LHPP: variants seen among roughly 807,000 people sequenced by gnomAD.
LHPP encodes phospholysine phosphohistidine inorganic pyrophosphate phosphatase, also known as hLHPP.
Under a neutral mutation model 30.3 loss-of-function variants are expected in LHPP, and 24 were observed. The observed-to-expected ratio is 0.79, with a 90% CI of 0.57 to 1.11. The LOEUF (loss-of-function observed/expected upper bound fraction) is 1.11. LHPP is among the 50% of genes most tolerant of loss of function. The pLI is 0.00. For missense variants in LHPP, 356 were observed against 367.2 expected, an observed-to-expected ratio of 0.97 and a Z score of 0.25; for synonymous variants, 150 against 157.1, an observed-to-expected ratio of 0.95 and a Z score of 0.34.
At position 124,592,371 on chromosome 10, in the gene LHPP, C is replaced by T. The variant is rs1948891036; in HGVS notation, c.717-20893C>T. On this transcript the variant is annotated intron_variant, in intron 6 of 6. Transcript: ENST00000368842. This position sits in a 1 kb window ranked among gnomAD's most constrained non-coding sequence, Gnocchi z 6.2. ...GGCCCTGTCAGCTCTCGAACTGCAG[C>T]ATACCCGAGCTCTTAAAGCACACTG... Among the ~76,000 whole-genome samples, 1 of 152,216 alleles carries T rather than the reference C, an allele frequency of 6.6e-6. No homozygotes were observed. Among genetic ancestry groups the T allele is most frequent in the African/African-American group, 2.4e-5 (1 of 41,466 alleles).
At chr10:124,529,522 C>A (rs527425067) in intron 6 of LHPP, among the ~76,000 whole-genome samples, 2 of 152,252 alleles carry the variant, frequency 1.3e-5, no homozygotes, top group East Asian at 3.9e-4. Context: ...AGGCTGCTCT[C>A]CGACTGTGGC....
intron 1 of LHPP, among the ~76,000 whole-genome samples, chr10:124,471,969 A>C (rs374322130): frequency 6.6e-6 from 1 of 151,496 alleles, no homozygotes; most frequent in African/African-American, 2.4e-5. Flanking sequence ...CAAATTTATA[A>C]TGTTTGTTCT....
intron 6 of LHPP, among the ~76,000 whole-genome samples, chr10:124,582,128 T>C (rs1239500918): frequency 6.6e-6 from 1 of 152,174 alleles, no homozygotes; most frequent in Non-Finnish European, 1.5e-5. Context: ...TCACCTAGGC[T>C]GGAGTGCAGT....
At chr10:124,518,183 A>G (rs1564805567) in intron 6 of LHPP, among the ~76,000 whole-genome samples, 2 of 152,226 alleles carry the variant, frequency 1.3e-5, no homozygotes, top group Non-Finnish European at 2.9e-5. Flanking sequence ...GTCCAGGGTC[A>G]GGAAGTTGGT....
chr10:124,586,112 G>T (rs1043421209), intron 6 of LHPP, among the ~76,000 whole-genome samples: 1 of 152,222 alleles, frequency 6.6e-6, no homozygotes, highest in African/African-American at 2.4e-5. Flanking sequence ...ACAACATTGT[G>T]TAGGAAATTT....
chr10:124,566,218 C>T (rs1273588523), intron 6 of LHPP, among the ~76,000 whole-genome samples: 6 of 152,256 alleles, frequency 3.9e-5, no homozygotes, highest in African/African-American at 1.4e-4. Flanking sequence ...TGGTTATGGG[C>T]TCTCCAGATT....
rs980207770 is a variant in LHPP at position 124,580,683 on chromosome 10, G to A, written c.717-32581G>A. On this transcript the variant is annotated intron_variant, in intron 6 of 6. Coordinates refer to ENST00000368842, the MANE Select transcript of LHPP (RefSeq NM_022126.4). ...GTTTTTATTATATTCATACACCATC[G>A]CTATCAGTCAATTTTAGAACATTTT... 5.3e-5 allele frequency among the ~76,000 whole-genome samples: 8 copies of A among 150,360 alleles called. No homozygotes were observed. The East Asian group carries it at 5.8e-4, about 11-fold the overall frequency.
chr10:124,566,315 C>T (rs547630619), intron 6 of LHPP, among the ~76,000 whole-genome samples: 5 of 152,328 alleles, frequency 3.3e-5, no homozygotes, highest in Admixed American at 1.3e-4. Context: ...CCTTTCCCCC[C>T]TGGGGGACAC....
intron 6 of LHPP, among the ~76,000 whole-genome samples, chr10:124,599,577 GTTCCTCAGCCT>G (rs1338753853): frequency 6.6e-6 from 1 of 152,248 alleles, no homozygotes; most frequent in Non-Finnish European, 1.5e-5. Context: ...TCCCCTCTCA[GTTCCTCAGCCT>G]GGCTATGGGA....
At chr10:124,468,046 A>C (rs1484505679) in intron 1 of LHPP, among the ~76,000 whole-genome samples, 1 of 152,154 alleles carries the variant, frequency 6.6e-6, no homozygotes, top group Non-Finnish European at 1.5e-5. Context: ...TGCCCAACCC[A>C]GACCCCTACT....
chr10:124,603,655 C>T (rs189072245), intron 6 of LHPP, among the ~76,000 whole-genome samples: 22 of 152,330 alleles, frequency 1.4e-4, no homozygotes, highest in Non-Finnish European at 2.4e-4. Flanking sequence ...GGTCTCCAAG[C>T]TGGGAGCCTC....
intron 5 of LHPP, among the ~76,000 whole-genome samples, chr10:124,503,855 G>T (rs34328100): frequency 6.7e-6 from 1 of 149,646 alleles, no homozygotes; most frequent in Non-Finnish European, 1.5e-5. Flanking sequence ...TTTATATATA[G>T]AGAGAAAGGC....
intron 6 of LHPP, among the ~76,000 whole-genome samples, chr10:124,565,751 G>A (rs1948477585): frequency 6.6e-6 from 1 of 152,208 alleles, no homozygotes; most frequent in South Asian, 2.1e-4. Context: ...ATGCAGCTGG[G>A]GACCTGGAGA....
intron 6 of LHPP, among the ~76,000 whole-genome samples, chr10:124,527,768 T>G (rs1459656917): frequency 8.6e-6 from 1 of 116,460 alleles, no homozygotes. Flanking sequence ...GTGATCTCTT[T>G]GTGCTTTTTT....
chr10:124,483,999 C>T, intron 1 of LHPP, 140 bp from the exon 2 acceptor site: 2 of 721,600 alleles, frequency 2.8e-6, no homozygotes, highest in Admixed American at 2.8e-5. Context: ...CTGGATCAGC[C>T]AGGACCCCCT....
chr10:124,601,152 TA>T (rs1277334911), intron 6 of LHPP, among the ~76,000 whole-genome samples: 1 of 151,706 alleles, frequency 6.6e-6, no homozygotes, highest in Non-Finnish European at 1.5e-5. Context: ...CCCCCAGGGG[TA>T]GGGGGAAGTG....
At chr10:124,474,867 C>T (rs747374792) in intron 1 of LHPP, among the ~76,000 whole-genome samples, 8 of 152,150 alleles carry the variant, frequency 5.3e-5, no homozygotes, top group Non-Finnish European at 8.8e-5. Flanking sequence ...GGGCGATACA[C>T]TCTGGGCTCC....
At chr10:124,513,629 A>G (rs961593157) in intron 5 of LHPP, among the ~76,000 whole-genome samples, 5 of 148,484 alleles carry the variant, frequency 3.4e-5, no homozygotes, top group African/African-American at 1.2e-4. Flanking sequence ...GCTAATTTGT[A>G]TATTTTTAGT....
chr10:124,613,061 G>C, intron 6 of LHPP: 3 of 598,024 alleles, frequency 5.0e-6, no homozygotes, highest in Non-Finnish European at 9.0e-6. Context: ...TCCAGGTTGA[G>C]GGCACAGTCA....
Sources: allele counts gnomAD v4.1 joint callset (sites outside exome capture counted in the v4.1 genomes callset), GRCh38; gene constraint gnomAD v4.1.1; non-coding constraint Gnocchi (gnomAD v3.1); transcripts MANE v1.5; gene names NCBI Gene and HGNC (gene_info 2026-07-23, HGNC 2026-07-21).